Variants in ZNF318 observed in about 807,000 individuals in gnomAD.
ZNF318 encodes zinc finger protein 318, also known as endocrine regulator.
ZNF318 carries 51 observed loss-of-function variants against 124.2 expected under a neutral mutation model. That is an observed-to-expected ratio of 0.41 (90% CI 0.33 to 0.52). The LOEUF is 0.52. Among genes scored for constraint, ZNF318 ranks in the 20% least tolerant of loss-of-function variants. ZNF318 has a pLI of 0.23. For missense variants in ZNF318, 2,815 were observed against 2,811.2 expected (o/e 1.00, Z -0.03); for synonymous variants, 1,090 against 1,040.7 (o/e 1.05, Z -0.91).
chr6:43,358,922 G>A (rs191987824), intron 2 of ZNF318, among the ~76,000 whole-genome samples: 8 of 152,304 alleles, frequency 5.3e-5, no homozygotes, highest in Admixed American at 5.2e-4. Context: ...CCAAAAGAAA[G>A]GAGGTACTAG....
chr6:43,353,114 T>C (rs1243937384), intron 4 of ZNF318, among the ~76,000 whole-genome samples: 1 of 152,202 alleles, frequency 6.6e-6, no homozygotes, highest in African/African-American at 2.4e-5. Flanking sequence ...ACCTATGTAT[T>C]ATCAGCGCCC....
Position 43,340,418 on chromosome 6 carries a change from G to A in ZNF318, c.3580C>T (p.Arg1194Trp), listed in dbSNP as rs1209398200. 6 of 1,613,766 alleles carry A rather than the reference G, an allele frequency of 3.7e-6. No homozygotes were observed. The Middle Eastern group carries it at 4.9e-4, about 133-fold the overall frequency. The stretch of plus-strand genomic sequence containing the variant: ...CGCTTTAGCTCACTCTGCCGTCGCC[G>A]TTCTGTCTCTAGGACCACAGCCAAG... The part of the protein sequence containing the change: ...AGLAVVLETE[R>W]RRQSELKRKL... Residue 1194 changes from arginine to tryptophan, a missense_variant, in exon 10 of 10, where the codon CGG becomes TGG. This residue lies in a region of ZNF318 where 500 missense variants were observed against 605.2 expected (regional missense o/e 0.83). Transcript: ENST00000361428.
chr6:43,351,024 T>G (rs1779516572), intron 5 of ZNF318, among the ~76,000 whole-genome samples: 1 of 152,172 alleles, frequency 6.6e-6, no homozygotes, highest in African/African-American at 2.4e-5. Flanking sequence ...AACCAAATAA[T>G]TAAAGTTAAC....
At chr6:43,351,227 A>G (rs1184973764) in intron 5 of ZNF318, among the ~76,000 whole-genome samples, 1 of 152,246 alleles carries the variant, frequency 6.6e-6, no homozygotes, top group Non-Finnish European at 1.5e-5. Context: ...CTCAGATTAA[A>G]GAAGAGTACA....
chr6:43,344,410 T>G (rs775685692), intron 6 of ZNF318, among the ~76,000 whole-genome samples: 1 of 152,210 alleles, frequency 6.6e-6, no homozygotes, highest in African/African-American at 2.4e-5. Context: ...TAAATTTTGC[T>G]TAACCATGCA....
rs866129831 is a variant in ZNF318, at chr6:43,337,265, G to T, written c.6733C>A (p.Pro2245Thr). The T allele has an allele frequency of 6.2e-7, 1 of 1,614,048 alleles. No individual in the cohort carries two copies. Among genetic ancestry groups the T allele is most frequent in the South Asian group, 1.1e-5 (1 of 91,084 alleles). Residue 2245 changes from proline to threonine, a missense_variant, in exon 10 of 10, where the codon CCA becomes ACA. Around this residue, in one of 4 missense-constraint regions of ZNF318, gnomAD observed 927 missense variants for 820.6 expected, o/e 1.13. Coordinates refer to ENST00000361428, the MANE Select transcript of ZNF318 (RefSeq NM_014345.3). ...TTGTCTTCAATTACCTGCTCCCTTG[G>T]AGGGGACCTTGACACTGGAGCTTTA... ...LVKAPVSRSP[P>T]REQVIEDNMV... is the part of the protein sequence containing the mutation.
intron 6 of ZNF318, among the ~76,000 whole-genome samples, chr6:43,346,181 CAAAAAAAAAAAAAA>C (rs150168420): frequency 6.9e-5 from 5 of 72,124 alleles, no homozygotes; most frequent in African/African-American, 2.7e-4. Flanking sequence ...GACTCTGTTT[CAAAAAAAAAAAAAA>C]AAAAAAAAAA....
chr6:43,339,097 A>G lies in ZNF318; in HGVS notation c.4901T>C (p.Val1634Ala). ...AGAGTTGCTAACTATAGGAGCAGCG[A>G]CCAAACCCTCATCTTGATGCAACTC... is the stretch of plus-strand genomic sequence containing the variant. ...QEELHQDEGLVAAPIVSNSEK... is the reference protein window; with the variant it reads ...QEELHQDEGLAAAPIVSNSEK... The change falls in exon 10 of 10, where the codon GTC becomes GCC. Residue 1634 changes from valine (V) to alanine (A), a missense_variant. Physicochemically the swap from Val to Ala is moderately conservative, Grantham distance 64 (BLOSUM62 0). Coordinates refer to ENST00000361428, the MANE Select transcript of ZNF318 (RefSeq NM_014345.3). The surrounding 1 kb of genome is among the most constrained non-coding windows in gnomAD (Gnocchi z 4.2). 2.5e-6 allele frequency: 4 copies of G among 1,614,176 alleles called. No homozygotes were observed. In the South Asian group the frequency reaches 4.4e-5, roughly 18 times the overall value.
rs748034722 is a variant in ZNF318, at chr6:43,355,267, T to C, written c.2067A>G (p.Pro689=). ...REAHHSNTHS[P]EVSHPHPPSP... ...AAGGTGGGTGTGGATGGGACACCTC[T>C]GGAGAGTGGGTATTGCTATGATGTG... Residue 689 remains proline (P), a synonymous_variant, in exon 4 of 10, where the codon CCA becomes CCG. Transcript: ENST00000361428. 2.5e-6 allele frequency: 4 copies of C among 1,614,174 alleles called. No individual in the cohort carries two copies. In the East Asian group the frequency reaches 6.7e-5, roughly 27 times the overall value.
At chr6:43,356,258 A>G in intron 3 of ZNF318, 113 bp from the exon 4 acceptor site, 2 of 1,159,102 alleles carry the variant, frequency 1.7e-6, no homozygotes, top group Non-Finnish European at 1.2e-6. Context: ...AGATACAAGT[A>G]TGGATAAAAG....
rs530688574 is a variant in ZNF318 at position 43,368,512 on chromosome 6, G to A, written c.399+455C>T. Among the ~76,000 whole-genome samples the A allele has an allele frequency of 2.6e-5, 4 of 152,320 alleles. No homozygotes were observed. In the South Asian group the frequency reaches 8.3e-4, roughly 32 times the overall value. ...TAACAGTTTACACTCTAGACGTAAA[G>A]CCTGGTAGGGTTCAAGCGTCCCTAA... On this transcript the variant is annotated intron_variant, in intron 1 of 9. Coordinates refer to ENST00000361428, the MANE Select transcript of ZNF318 (RefSeq NM_014345.3).
chr6:43,366,994 G>A (rs1779770683), intron 1 of ZNF318, among the ~76,000 whole-genome samples: 1 of 152,138 alleles, frequency 6.6e-6, no homozygotes, highest in Non-Finnish European at 1.5e-5. Context: ...TGGGACTACA[G>A]GTGCCCGCCA....
At chr6:43,363,580 G>C (rs1212334382) in intron 2 of ZNF318, 2 of 329,096 alleles carry the variant, frequency 6.1e-6, no homozygotes, top group East Asian at 1.5e-4. Flanking sequence ...TGGAGGCAAG[G>C]CCAAGGATAA....
At position 43,369,061 on chromosome 6, in the gene ZNF318, C is replaced by G. The variant is rs1779799622; in HGVS notation, c.305G>C (p.Gly102Ala). Residue 102 changes from glycine (G) to alanine (A), a missense_variant, in exon 1 of 10, where the codon GGC becomes GCC. Around this residue, in one of 4 missense-constraint regions of ZNF318, gnomAD observed 1,377 missense variants for 1,353.5 expected, o/e 1.02. Coordinates refer to ENST00000361428, the MANE Select transcript of ZNF318 (RefSeq NM_014345.3). Reference protein sequence around the residue: ...PPRGRRLFPPGPAGFRGSSRG... With the variant: ...PPRGRRLFPPAPAGFRGSSRG... ...GCTGCTGCCTCTGAAGCCGGCCGGGCCCGGCGGGAAGAGTCGTCGGCCCCG... is the reference window on the plus strand; with the variant it reads ...GCTGCTGCCTCTGAAGCCGGCCGGGGCCGGCGGGAAGAGTCGTCGGCCCCG... 4 of 1,348,008 alleles carry G rather than the reference C, an allele frequency of 3.0e-6. No homozygotes were observed. The African/African-American group carries it at 6.1e-5, about 20-fold the overall frequency. 83.5% of individuals were successfully genotyped at this position (1,348,008 alleles called of 1,614,324 possible). A position where few individuals can be genotyped will look rare whatever the true frequency, so the allele number is the denominator to read the frequency against.
chr6:43,355,683 C>G lies in ZNF318; in HGVS notation c.1651G>C (p.Val551Leu). 1.2e-6 allele frequency: 2 copies of G among 1,614,190 alleles called. No homozygotes were observed. Among genetic ancestry groups the G allele is most frequent in the Non-Finnish European group, 8.5e-7 (1 of 1,180,038 alleles). ...TCAGAGCTCCCAAGGGGCTTTGGTA[C>G]GGATTCTGCCTTTAAATCCTCTTCT... ...DEEEDLKAES[V>L]PKPLGSSESE... is the part of the protein sequence containing the mutation. Residue 551 changes from valine (V) to leucine (L), a missense_variant, in exon 4 of 10, where the codon GTA (valine) becomes CTA (leucine). Around this residue, in one of 4 missense-constraint regions of ZNF318, gnomAD observed 1,377 missense variants for 1,353.5 expected, o/e 1.02. Transcript: ENST00000361428.
chr6:43,345,971 G>A (rs191247723), intron 6 of ZNF318, among the ~76,000 whole-genome samples: 303 of 151,946 alleles, frequency 2.0e-3, no homozygotes, highest in African/African-American at 6.6e-3. Flanking sequence ...GGGAGGCGGG[G>A]GCAGGTGGAT....
rs1779317196 is a variant in ZNF318 at position 43,338,236 on chromosome 6, AG to A, written c.5761del (p.Leu1921Ter). On this transcript the variant is annotated frameshift_variant, in exon 10 of 10. Coordinates refer to ENST00000361428, the MANE Select transcript of ZNF318 (RefSeq NM_014345.3). LOFTEE classifies it low-confidence loss of function (END_TRUNC). ...QGVSVVSEEG[L>X]ENSAPESASR... is the part of the protein sequence containing the mutation. ...AGCTGATTCTGGAGCTGAATTCTCT[AG>A]CCCCTCCTCACTAACAACTGAAACT... 1 of 1,614,160 alleles carries A rather than the reference AG, an allele frequency of 6.2e-7. No individual in the cohort carries two copies. The highest frequency in any genetic ancestry group is 2.2e-5 in the East Asian group (1 of 44,880).
intron 5 of ZNF318, among the ~76,000 whole-genome samples, chr6:43,349,563 C>T (rs371387455): frequency 4.6e-5 from 7 of 152,098 alleles, no homozygotes; most frequent in African/African-American, 1.4e-4. Flanking sequence ...AACTGCAGAT[C>T]CTCTGGTGTT....
chr6:43,368,043 A>G (rs939311868), intron 1 of ZNF318, among the ~76,000 whole-genome samples: 1 of 152,160 alleles, frequency 6.6e-6, no homozygotes, highest in East Asian at 1.9e-4. Flanking sequence ...ATAATAATAA[A>G]AAGATTGATG....
Sources: allele counts gnomAD v4.1 joint callset (sites outside exome capture counted in the v4.1 genomes callset), GRCh38; gene constraint gnomAD v4.1.1; regional missense constraint gnomAD v4.1.1; non-coding constraint Gnocchi (gnomAD v3.1); transcripts MANE v1.5; gene names NCBI Gene and HGNC (gene_info 2026-07-23, HGNC 2026-07-21).